ATG10: variants seen among roughly 807,000 people sequenced by gnomAD.
ATG10 encodes autophagy related 10.
ATG10 carries 30 observed loss-of-function variants against 32.1 expected under a neutral mutation model. The ratio of observed to expected loss-of-function variants is 0.94; its 90% CI spans 0.70 to 1.27. The LOEUF is 1.27. ATG10 is among the 50% of genes most tolerant of loss of function. The pLI, the probability that ATG10 is intolerant of heterozygous loss-of-function variation, is 0.00. For missense variants in ATG10, 233 were observed against 262.3 expected (o/e 0.89, Z 0.77); for synonymous variants, 87 against 91.5 (o/e 0.95, Z 0.28).
intron 5 of ATG10, among the ~76,000 whole-genome samples, chr5:82,184,810 G>T (rs73768641): frequency 6.6e-6 from 1 of 151,968 alleles, no homozygotes; most frequent in African/African-American, 2.4e-5. Context: ...GTAGACCCCA[G>T]GCACCATGCC....
chr5:82,044,088 A>T (rs1309268367), intron 2 of ATG10, among the ~76,000 whole-genome samples: 2 of 152,140 alleles, frequency 1.3e-5, no homozygotes, highest in African/African-American at 4.8e-5. Context: ...TGGGTAATTT[A>T]TAAAGAAATG....
intron 3 of ATG10, among the ~76,000 whole-genome samples, chr5:82,092,660 C>A (rs559783399): frequency 5.6e-4 from 85 of 152,318 alleles, no homozygotes; most frequent in African/African-American, 2.0e-3. Flanking sequence ...TCCCATGAGA[C>A]TGAAGGCAGA....
At chr5:82,013,480 G>A (rs574841370) in intron 2 of ATG10, among the ~76,000 whole-genome samples, 1 of 152,156 alleles carries the variant, frequency 6.6e-6, no homozygotes, top group African/African-American at 2.4e-5. Flanking sequence ...GAGGGTGTGT[G>A]CGAGTATCTT....
rs573198478 is a variant in ATG10 at position 81,996,432 on chromosome 5, G to T, written c.108+8754G>T. Among the ~76,000 whole-genome samples, 5 of 152,258 alleles carry T rather than the reference G, an allele frequency of 3.3e-5. No homozygotes were observed. The South Asian group carries it at 1.0e-3, about 32-fold the overall frequency. On this transcript the variant is annotated intron_variant, in intron 2 of 7. Transcript: ENST00000282185. ...TTTAAATTTTTTTTGTAGAGATGGG[G>T]TCACACTATGTTGCCCAGGCTGGTC...
In ATG10 at chr5:82,050,243, A is replaced by G. The variant is rs182148082; in HGVS notation, c.109-8252A>G. 3.3e-5 allele frequency among the ~76,000 whole-genome samples: 5 copies of G among 151,914 alleles called. No homozygotes were observed. In the East Asian group the frequency reaches 9.7e-4, roughly 29 times the overall value. On this transcript the variant is annotated intron_variant, in intron 2 of 7. Coordinates refer to ENST00000282185, the MANE Select transcript of ATG10 (RefSeq NM_031482.5). ...GGATGATTTTAATTTGCTTAATGGA[A>G]CCCCTATTGATGATGAATAATCCCT...
intron 2 of ATG10, among the ~76,000 whole-genome samples, chr5:82,052,263 A>G (rs367764024): frequency 6.6e-6 from 1 of 152,144 alleles, no homozygotes; most frequent in East Asian, 1.9e-4. Context: ...AAAGCCCTAT[A>G]ATTATTTTGT....
chr5:81,983,438 G>A (rs1377648384), intron 1 of ATG10, among the ~76,000 whole-genome samples: 10 of 144,776 alleles, frequency 6.9e-5, no homozygotes, highest in Non-Finnish European at 1.1e-4. Flanking sequence ...CCTCCCGGAC[G>A]GGGTGGCTGG....
At chr5:81,984,916 A>G (rs1581567023) in intron 1 of ATG10, among the ~76,000 whole-genome samples, 1 of 152,238 alleles carries the variant, frequency 6.6e-6, no homozygotes, top group African/African-American at 2.4e-5. Context: ...AATATACCAT[A>G]CTTCCTAATT....
chr5:82,062,977 T>A (rs923599537), intron 3 of ATG10, among the ~76,000 whole-genome samples: 4 of 152,196 alleles, frequency 2.6e-5, no homozygotes, highest in Admixed American at 6.6e-5. Context: ...TAGTCAATAG[T>A]ATAATTAGAG....
intron 1 of ATG10, among the ~76,000 whole-genome samples, chr5:81,975,893 GAATC>G (rs1413923226): frequency 2.0e-5 from 3 of 151,794 alleles, no homozygotes; most frequent in Non-Finnish European, 4.4e-5. Flanking sequence ...AAAATAAAGA[GAATC>G]AAGATCATAA....
intron 5 of ATG10, among the ~76,000 whole-genome samples, chr5:82,228,936 G>T (rs1746241440): frequency 6.6e-6 from 1 of 152,196 alleles, no homozygotes; most frequent in Non-Finnish European, 1.5e-5. Context: ...ATCAAGTTGA[G>T]AAAGTAGGTA....
chr5:82,086,123 C>T (rs1034080061), intron 3 of ATG10, among the ~76,000 whole-genome samples: 18 of 152,040 alleles, frequency 1.2e-4, no homozygotes, highest in African/African-American at 4.3e-4. Context: ...TACCATTTCC[C>T]ATTATTTACT....
At chr5:82,212,738 C>A (rs981749486) in intron 5 of ATG10, among the ~76,000 whole-genome samples, 1 of 152,180 alleles carries the variant, frequency 6.6e-6, no homozygotes, top group Admixed American at 6.5e-5. Context: ...TATTAAATTG[C>A]ATATGCCCTT....
Position 82,056,641 on chromosome 5 carries a change from C to T in ATG10, c.109-1854C>T, listed in dbSNP as rs1763610579. Among the ~76,000 whole-genome samples, 3 of 150,844 alleles carry T rather than the reference C, an allele frequency of 2.0e-5. No individual in the cohort carries two copies. In the South Asian group the frequency reaches 6.3e-4, roughly 32 times the overall value. ...CCCTGGAGCTGTAATCATTTGTCCT[C>T]CAGAGTCTCTGGGGCCGGCAGTACT... is the stretch of plus-strand genomic sequence containing the variant. On this transcript the variant is annotated intron_variant, in intron 2 of 7. Transcript: ENST00000282185.
intron 2 of ATG10, among the ~76,000 whole-genome samples, chr5:82,027,107 T>C (rs576792673): frequency 1.8e-4 from 27 of 150,826 alleles, no homozygotes; most frequent in Non-Finnish European, 4.0e-4. Flanking sequence ...AATAAATAAA[T>C]AAATTTATTG....
At chr5:81,987,247 T>A (rs1301157177) in intron 1 of ATG10, among the ~76,000 whole-genome samples, 1 of 152,156 alleles carries the variant, frequency 6.6e-6, no homozygotes, top group Non-Finnish European at 1.5e-5. Context: ...CTCAGCCTCC[T>A]GAGTAGATGA....
chr5:82,021,358 C>T (rs899290780), intron 2 of ATG10, among the ~76,000 whole-genome samples: 7 of 152,064 alleles, frequency 4.6e-5, no homozygotes, highest in African/African-American at 1.7e-4. Flanking sequence ...GGATTGGATC[C>T]AGGACTACCT....
chr5:82,249,531 GGTACTGTTCTAT>G, intron 5 of ATG10, among the ~76,000 whole-genome samples: 1 of 152,268 alleles, frequency 6.6e-6, no homozygotes, highest in African/African-American at 2.4e-5. Context: ...CTATGTGTCA[GGTACTGTTCTAT>G]GTACTTCTGT....
At chr5:82,076,151 A>T (rs987798138) in intron 3 of ATG10, among the ~76,000 whole-genome samples, 4 of 152,110 alleles carry the variant, frequency 2.6e-5, no homozygotes, top group Admixed American at 2.6e-4. Context: ...CCTTCAACAA[A>T]CATGTTTTTG....
Sources: gnomAD v4.1 joint callset for allele counts (sites outside exome capture counted in the v4.1 genomes callset) on GRCh38, gnomAD v4.1.1 for gene constraint, MANE v1.5 for transcripts, NCBI Gene and HGNC (gene_info 2026-07-23, HGNC 2026-07-21) for gene names.